The following SGK3 variants were observed in gnomAD, a reference collection of about 807,000 sequenced individuals.
SGK3 encodes serum/glucocorticoid regulated kinase family member 3.
In SGK3, 47 loss-of-function variants were observed where a neutral mutation model predicts 68.5. That is an observed-to-expected ratio of 0.69 (90% confidence interval 0.54 to 0.87). SGK3 has a LOEUF of 0.87. Ranked by LOEUF, SGK3 falls within the 40% of genes least tolerant of loss-of-function variation. The pLI is 0.00. For missense variants in SGK3, 479 were observed against 575.5 expected, an observed-to-expected ratio of 0.83 and a Z score of 1.72; for synonymous variants, 181 against 189.1, an observed-to-expected ratio of 0.96 and a Z score of 0.35.
chr8:66,721,042 GT>G (rs2130333117), intron 1 of SGK3, among the ~76,000 whole-genome samples: 1 of 152,284 alleles, frequency 6.6e-6, no homozygotes, highest in South Asian at 2.1e-4. Context: ...AGTATAATTG[GT>G]TTAAACAGCA....
At chr8:66,762,581 C>A (rs1457150686) in intron 1 of SGK3, among the ~76,000 whole-genome samples, 3 of 151,974 alleles carry the variant, frequency 2.0e-5, no homozygotes, top group Admixed American at 1.3e-4. Flanking sequence ...TGATTTTTTT[C>A]TTTTTATTTT....
In SGK3 at chr8:66,823,784, AG is replaced by A. The variant is rs879281534; in HGVS notation, c.417+1327del. On this transcript the variant is annotated intron_variant, in intron 6 of 16. Transcript: ENST00000521198. ...GATGTTTTCAACATTTACCATTCGA[AG>A]GTTATGTGGGAGAAGTAAATTGTAA... Among the ~76,000 whole-genome samples the A allele has an allele frequency of 1.4e-3, 216 of 152,304 alleles. 1 individual carries two copies. The highest frequency in any genetic ancestry group is 0.013 in the Admixed American group (205 of 15,286).
intron 16 of SGK3, among the ~76,000 whole-genome samples, chr8:66,854,995 C>A (rs1810450961): frequency 6.6e-6 from 1 of 152,068 alleles, no homozygotes; most frequent in Non-Finnish European, 1.5e-5. Context: ...ACAACAACAA[C>A]AACAACAAAA....
intron 2 of SGK3, among the ~76,000 whole-genome samples, chr8:66,798,093 G>A (rs1019296143): frequency 6.6e-6 from 1 of 151,072 alleles, no homozygotes; most frequent in Non-Finnish European, 1.5e-5. Flanking sequence ...CTACAGCGTC[G>A]ACTTACCTGG....
intron 10 of SGK3, among the ~76,000 whole-genome samples, chr8:66,839,607 G>T: frequency 7.6e-6 from 1 of 132,106 alleles, no homozygotes; most frequent in African/African-American, 2.9e-5. Context: ...TTTAATCTCT[G>T]AATAGTGTTT....
rs976557752 is a variant in SGK3 at position 66,805,990 on chromosome 8, T to A, written c.253+1543T>A. Among the ~76,000 whole-genome samples, 14 of 152,214 alleles carry A rather than the reference T, an allele frequency of 9.2e-5. No homozygotes were observed. The East Asian group carries it at 1.7e-3, about 19-fold the overall frequency. ...GTGTCCTATATAATTCTGCCCACCATTAACGGACTGCTCTTTATCCTGCAC... is the reference window on the plus strand; with the variant it reads ...GTGTCCTATATAATTCTGCCCACCAATAACGGACTGCTCTTTATCCTGCAC... On this transcript the variant is annotated intron_variant, in intron 4 of 16. Coordinates refer to ENST00000521198, the MANE Select transcript of SGK3 (RefSeq NM_001033578.3).
chr8:66,847,237 C>T lies in SGK3; in HGVS notation c.1119C>T (p.Ile373=). 14 of 1,613,278 alleles carry T rather than the reference C, an allele frequency of 8.7e-6. No individual in the cohort carries two copies. The highest frequency in any genetic ancestry group is 1.2e-5 in the Non-Finnish European group (14 of 1,179,832). Residue 373 remains isoleucine, a synonymous_variant, in exon 15 of 17, where the codon ATC becomes ATT. Coordinates refer to ENST00000521198, the MANE Select transcript of SGK3 (RefSeq NM_001033578.3). The part of the protein sequence containing the change: ...CRDVAEMYDN[I]LHKPLSLRPG... ...ATGTTGCTGAAATGTATGACAATAT[C>T]CTTCACAAACCCCTAAGTTTGAGGC...
chr8:66,731,416 C>G (rs897591719), intron 1 of SGK3, among the ~76,000 whole-genome samples: 5 of 152,078 alleles, frequency 3.3e-5, no homozygotes, highest in Admixed American at 3.3e-4. Flanking sequence ...AAATTCGTTA[C>G]CAAGATAAAA....
chr8:66,770,591 C>T (rs1175696822), intron 1 of SGK3, among the ~76,000 whole-genome samples: 5 of 152,148 alleles, frequency 3.3e-5, no homozygotes, highest in African/African-American at 1.2e-4. Flanking sequence ...ATTCTACCTG[C>T]ATTGAGTTGG....
At chr8:66,786,515 T>C (rs1023591309) in intron 1 of SGK3, among the ~76,000 whole-genome samples, 2 of 152,206 alleles carry the variant, frequency 1.3e-5, no homozygotes, top group African/African-American at 4.8e-5. Context: ...GAGGAAAATC[T>C]TACTTAAGGA....
At position 66,860,965 on chromosome 8, in the gene SGK3, A is replaced by C. The variant is rs1810728325; in HGVS notation, c.*1384A>C. Reference sequence around the variant, plus strand: ...TGGCGAAACCCTATCTCTACAAAAAATACAAAAATTAGCCAGACATGGTGG... The same window carrying C: ...TGGCGAAACCCTATCTCTACAAAAACTACAAAAATTAGCCAGACATGGTGG... On this transcript the variant is annotated 3_prime_UTR_variant, in exon 17 of 17. Transcript: ENST00000521198. The C allele has an allele frequency of 6.6e-6, 1 of 152,112 alleles. No homozygotes were observed. Among genetic ancestry groups the C allele is most frequent in the South Asian group, 2.1e-4 (1 of 4,822 alleles). 9.4% of individuals were successfully genotyped at this position (152,112 alleles called of 1,614,324 possible).
At chr8:66,848,656 A>ATGTT in intron 15 of SGK3, among the ~76,000 whole-genome samples, 1 of 152,228 alleles carries the variant, frequency 6.6e-6, no homozygotes, top group South Asian at 2.1e-4. Flanking sequence ...AACCCTGTCC[A>ATGTT]TGTTTGTTTG....
At chr8:66,767,443 G>T in intron 1 of SGK3, 1 of 1,395,258 alleles carries the variant, frequency 7.2e-7, no homozygotes, top group Non-Finnish European at 1.0e-6. Context: ...AACATCCAGG[G>T]TCAACAGAAT....
intron 1 of SGK3, among the ~76,000 whole-genome samples, chr8:66,734,944 C>CAAAA (rs35047133): frequency 0.11 from 10,250 of 90,768 alleles, 646 homozygotes; most frequent in African/African-American, 0.21. Context: ...GGCTCCATCT[C>CAAAA]AAAAAAAAAA....
intron 4 of SGK3, among the ~76,000 whole-genome samples, chr8:66,809,018 T>C (rs987544959): frequency 1.2e-4 from 18 of 151,580 alleles, no homozygotes; most frequent in African/African-American, 3.2e-4. Flanking sequence ...TACAGGCGTG[T>C]GCCACCATGC....
At chr8:66,745,067 A>G (rs1805614249) in intron 1 of SGK3, among the ~76,000 whole-genome samples, 1 of 151,850 alleles carries the variant, frequency 6.6e-6, no homozygotes, top group Non-Finnish European at 1.5e-5. Context: ...TCATACATAT[A>G]CCTTCTATCT....
chr8:66,742,307 T>C (rs911971198), intron 1 of SGK3, among the ~76,000 whole-genome samples: 7 of 152,238 alleles, frequency 4.6e-5, no homozygotes, highest in African/African-American at 1.4e-4. Flanking sequence ...GAACTTCATT[T>C]GGTTCACTGA....
At chr8:66,716,157 T>A (rs1282903249) in intron 1 of SGK3, among the ~76,000 whole-genome samples, 1 of 152,210 alleles carries the variant, frequency 6.6e-6, no homozygotes, top group Non-Finnish European at 1.5e-5. Flanking sequence ...TTCCTTTACC[T>A]TTTCCATTTC....
chr8:66,753,698 TATTC>T (rs1805894455), intron 1 of SGK3, among the ~76,000 whole-genome samples: 1 of 152,058 alleles, frequency 6.6e-6, no homozygotes. Flanking sequence ...GTGGTGCCTG[TATTC>T]CCAGCTACTC....
Sources: gnomAD v4.1 joint callset for allele counts (sites outside exome capture counted in the v4.1 genomes callset) on GRCh38, gnomAD v4.1.1 for gene constraint, MANE v1.5 for transcripts, NCBI Gene and HGNC (gene_info 2026-07-23, HGNC 2026-07-21) for gene names.